METTL8: variants seen among roughly 807,000 people sequenced by gnomAD.
METTL8 encodes methyltransferase 8, tRNA N3-cytidine.
A neutral mutation model predicts 48.7 loss-of-function variants in METTL8; 32 were observed. That is an observed-to-expected ratio of 0.66 (90% CI 0.50 to 0.88). METTL8 has a LOEUF of 0.88. Ranked by LOEUF, METTL8 falls within the 40% of genes least tolerant of loss-of-function variation. The pLI is 0.00. For synonymous variants in METTL8, 136 were observed against 157.1 expected (o/e 0.87, Z 1.01); for missense variants, 464 against 474.4 (o/e 0.98, Z 0.20).
At chr2:171,395,496 G>A (rs945578048) in intron 1 of METTL8, among the ~76,000 whole-genome samples, 4 of 151,994 alleles carry the variant, frequency 2.6e-5, no homozygotes, top group African/African-American at 9.7e-5. Flanking sequence ...ATAGATTAAC[G>A]TAAAAAAAGG....
intron 1 of METTL8, among the ~76,000 whole-genome samples, chr2:171,393,671 G>A (rs987701522): frequency 1.3e-5 from 2 of 152,134 alleles, no homozygotes; most frequent in African/African-American, 4.8e-5. Flanking sequence ...TCAGCCTAAT[G>A]CTGTCAGCTG....
intron 2 of METTL8, among the ~76,000 whole-genome samples, chr2:171,375,988 C>T (rs942602239): frequency 1.3e-5 from 2 of 152,150 alleles, no homozygotes; most frequent in African/African-American, 4.8e-5. Flanking sequence ...AAAGACTAGA[C>T]ATTATGTATT....
chr2:171,382,071 C>T (rs10173812), intron 2 of METTL8, among the ~76,000 whole-genome samples: 48,799 of 151,922 alleles, frequency 0.32, 8,091 homozygotes, highest in African/African-American at 0.38. Flanking sequence ...CATGAGCCAC[C>T]GCGCCCAGCC....
chr2:171,337,587 A>G, intron 4 of METTL8, 85 bp from the exon 5 acceptor site: 1 of 954,344 alleles, frequency 1.0e-6, no homozygotes, highest in Admixed American at 2.5e-5. Flanking sequence ...AAAGAAAAAA[A>G]CAATTAGACT....
At chr2:171,360,926 T>C (rs1685099312) in intron 2 of METTL8, among the ~76,000 whole-genome samples, 1 of 152,258 alleles carries the variant, frequency 6.6e-6, no homozygotes. Context: ...TCTAACACTT[T>C]GCTGTCAAAG....
At position 171,392,033 on chromosome 2, in the gene METTL8, G is replaced by A; in HGVS notation, c.143+10C>T. On this transcript the variant is annotated intron_variant, in intron 2 of 9. Transcript: ENST00000375258. ...ACACACATAATATCAGATTTAAAAA[G>A]AAAACTCACCACATGTTGTGTTCAA... is the stretch of plus-strand genomic sequence containing the variant. The A allele has an allele frequency of 1.3e-6, 2 of 1,544,130 alleles. No homozygotes were observed. Among genetic ancestry groups the A allele is most frequent in the Non-Finnish European group, 1.7e-6 (2 of 1,145,114 alleles).
intron 3 of METTL8, among the ~76,000 whole-genome samples, chr2:171,343,945 C>T (rs952746894): frequency 6.6e-6 from 1 of 152,106 alleles, no homozygotes; most frequent in Non-Finnish European, 1.5e-5. Context: ...CAATCTGGTT[C>T]AGAAACCAAA....
chr2:171,356,435 G>A (rs186861087), intron 3 of METTL8, among the ~76,000 whole-genome samples: 7 of 152,176 alleles, frequency 4.6e-5, no homozygotes, highest in Non-Finnish European at 8.8e-5. Context: ...CATCTTGTCC[G>A]GCCTCTTCTA....
chr2:171,360,110 A>G (rs1573969686), intron 3 of METTL8, among the ~76,000 whole-genome samples: 2 of 152,256 alleles, frequency 1.3e-5, no homozygotes, highest in South Asian at 2.1e-4. Context: ...AGTGAAATGC[A>G]TAATAGCAAA....
chr2:171,351,927 T>C lies in METTL8; in HGVS notation c.235+8495A>G, dbSNP rs1250685154. On this transcript the variant is annotated intron_variant, in intron 3 of 9. Transcript: ENST00000375258. ...TCTGCAAATAGGGAAAATTTGACTT[T>C]CTCTTTTCCTAATTGAATTCCCTTT... 2.0e-5 allele frequency among the ~76,000 whole-genome samples: 3 copies of C among 152,264 alleles called. No homozygotes were observed. In the East Asian group the frequency reaches 5.8e-4, roughly 29 times the overall value.
intron 2 of METTL8, among the ~76,000 whole-genome samples, chr2:171,388,006 AT>A (rs1688243712): frequency 6.6e-6 from 1 of 152,178 alleles, no homozygotes; most frequent in Admixed American, 6.5e-5. Context: ...CGTGCTGGAC[AT>A]TTACACCTGA....
intron 5 of METTL8, among the ~76,000 whole-genome samples, chr2:171,335,243 C>T (rs1023306046): frequency 5.3e-5 from 8 of 152,132 alleles, no homozygotes; most frequent in Admixed American, 1.3e-4. Context: ...TAGGAAACTA[C>T]TCACTATTCA....
At position 171,319,300 on chromosome 2, in the gene METTL8, G is replaced by A. The variant is rs919485653; in HGVS notation, c.*4872C>T. Reference sequence around the variant, plus strand: ...ACTAAGTCTCCTGATGACTAACAGAGGCAGGAAGCAGGAGGAGCAGAGGCT... The same window carrying A: ...ACTAAGTCTCCTGATGACTAACAGAAGCAGGAAGCAGGAGGAGCAGAGGCT... On this transcript the variant is annotated 3_prime_UTR_variant, in exon 10 of 10. Coordinates refer to ENST00000375258, the MANE Select transcript of METTL8 (RefSeq NM_001321154.2). 1.3e-5 allele frequency: 2 copies of A among 152,218 alleles called. No individual in the cohort carries two copies. The highest frequency in any genetic ancestry group is 2.9e-5 in the Non-Finnish European group (2 of 68,040). The allele number at this position is 152,218 out of a possible 1,614,324, so 9.4% of individuals were successfully genotyped here.
intron 1 of METTL8, among the ~76,000 whole-genome samples, chr2:171,400,855 A>G (rs1411286735): frequency 6.6e-6 from 1 of 152,196 alleles, no homozygotes; most frequent in Non-Finnish European, 1.5e-5. Context: ...GTGTGAATCT[A>G]TAACGATTAT....
chr2:171,340,498 CAAAAAAA>C (rs760579218), intron 3 of METTL8, among the ~76,000 whole-genome samples: 2 of 42,910 alleles, frequency 4.7e-5, no homozygotes, highest in African/African-American at 9.2e-5. Context: ...TGAGTTGTCT[CAAAAAAA>C]AAAAAAAAAA....
intron 3 of METTL8, among the ~76,000 whole-genome samples, chr2:171,358,865 C>A (rs922692197): frequency 3.3e-5 from 5 of 152,104 alleles, no homozygotes; most frequent in Admixed American, 3.3e-4. Flanking sequence ...AAGAAACAAT[C>A]AACAAAGTGA....
chr2:171,358,196 C>T (rs1376212768), intron 3 of METTL8, among the ~76,000 whole-genome samples: 1 of 151,888 alleles, frequency 6.6e-6, no homozygotes, highest in Admixed American at 6.6e-5. Context: ...ACTAAAAATA[C>T]AAACATTAGC....
intron 3 of METTL8, among the ~76,000 whole-genome samples, chr2:171,349,142 C>T (rs1683605948): frequency 2.0e-5 from 3 of 152,156 alleles, no homozygotes. Context: ...AATTAAATGA[C>T]AACTCCCCCT....
At chr2:171,433,421 A>T (rs548552704) in intron 1 of METTL8, among the ~76,000 whole-genome samples, 2 of 152,336 alleles carry the variant, frequency 1.3e-5, no homozygotes, top group South Asian at 4.2e-4. Context: ...CCTATGAACA[A>T]GAGGTAGCAT....
Sources: gnomAD v4.1 joint callset for allele counts (sites outside exome capture counted in the v4.1 genomes callset) on GRCh38, gnomAD v4.1.1 for gene constraint, MANE v1.5 for transcripts, NCBI Gene and HGNC (gene_info 2026-07-23, HGNC 2026-07-21) for gene names.